Variants in CACNA1E observed in about 807,000 individuals in gnomAD.
CACNA1E encodes the protein calcium voltage-gated channel subunit alpha1 E, also known as voltage-dependent R-type calcium channel subunit alpha-1E.
In CACNA1E, 40 loss-of-function variants were observed where a neutral mutation model predicts 259.2. The ratio of observed to expected loss-of-function variants is 0.15; its 90% CI spans 0.12 to 0.20. The LOEUF is 0.20. CACNA1E is among the 10% of genes least tolerant of loss of function. CACNA1E has a pLI of 1.00. For missense variants in CACNA1E, 1,874 were observed against 3,040.1 expected, an observed-to-expected ratio of 0.62 and a Z score of 9.02; for synonymous variants, 1,104 against 1,138.5, an observed-to-expected ratio of 0.97 and a Z score of 0.61.
intron 2 of CACNA1E, among the ~76,000 whole-genome samples, chr1:181,462,055 T>C (rs1444676448): frequency 1.3e-5 from 2 of 152,208 alleles, no homozygotes; most frequent in Non-Finnish European, 1.5e-5. Context: ...TTATGAACAG[T>C]GTACTGTGTC....
At chr1:181,475,539 G>T (rs1018392227) in intron 2 of CACNA1E, among the ~76,000 whole-genome samples, 6 of 152,130 alleles carry the variant, frequency 3.9e-5, no homozygotes, top group Admixed American at 6.5e-5. Context: ...TGAAGCAGGC[G>T]CTGTGAGCAG....
intron 42 of CACNA1E, 27 bp downstream of exon 42, chr1:181,785,445 T>G: frequency 1.3e-6 from 2 of 1,484,340 alleles, no homozygotes; most frequent in South Asian, 2.3e-5. Flanking sequence ...GCATGCTAAG[T>G]GGGTGGGCCA....
intron 8 of CACNA1E, among the ~76,000 whole-genome samples, chr1:181,714,859 C>T (rs1007602879): frequency 6.6e-6 from 1 of 152,184 alleles, no homozygotes; most frequent in Non-Finnish European, 1.5e-5. Flanking sequence ...TCTGACTCCT[C>T]CTCAGAGACA....
At chr1:181,599,981 AAAAT>A (rs1338962739) in intron 6 of CACNA1E, among the ~76,000 whole-genome samples, 1 of 152,228 alleles carries the variant, frequency 6.6e-6, no homozygotes, top group African/African-American at 2.4e-5. Flanking sequence ...AACAATTTAA[AAAAT>A]AAGTGTATAC....
chr1:181,399,045 TC>T (rs1656894338), intron 1 of CACNA1E, among the ~76,000 whole-genome samples: 1 of 152,136 alleles, frequency 6.6e-6, no homozygotes. Context: ...TGAACCTGGG[TC>T]CTTCAGTGAG....
At position 181,590,410 on chromosome 1, in the gene CACNA1E, A is replaced by AT. The variant is rs1489019194; in HGVS notation, c.951+9634_951+9635insT. On this transcript the variant is annotated intron_variant, in intron 6 of 47. Coordinates refer to ENST00000367573, the MANE Select transcript of CACNA1E (RefSeq NM_001205293.3). The stretch of plus-strand genomic sequence containing the variant: ...GTAGTGGAGTCAATTACAAAAAAAA[A>AT]AAAAAAATATATATATATATATATA... Among the ~76,000 whole-genome samples the AT allele has an allele frequency of 8.0e-4, 95 of 119,172 alleles. No individual in the cohort carries two copies. The Middle Eastern group carries it at 0.015, about 19-fold the overall frequency. 78.2% of individuals were successfully genotyped at this position (119,172 alleles called of 152,430 possible).
intron 3 of CACNA1E, among the ~76,000 whole-genome samples, chr1:181,540,156 C>T (rs1168704705): frequency 3.9e-5 from 6 of 152,112 alleles, no homozygotes; most frequent in East Asian, 1.9e-4. Flanking sequence ...CCGATGTAAA[C>T]GCATTTCCTA....
chr1:181,601,058 T>C (rs992606387), intron 6 of CACNA1E, among the ~76,000 whole-genome samples: 5 of 152,122 alleles, frequency 3.3e-5, no homozygotes, highest in Non-Finnish European at 7.4e-5. Flanking sequence ...TTGCTCCTTT[T>C]AGGAAGTTAT....
intron 6 of CACNA1E, among the ~76,000 whole-genome samples, chr1:181,627,304 G>A (rs199940): frequency 0.77 from 116,651 of 152,166 alleles, 45,721 homozygotes; most frequent in East Asian, 0.94. Context: ...TTCACAGAAG[G>A]GAAAGCTATT....
At position 181,360,362 on chromosome 1, in the gene CACNA1E, G is replaced by A. The variant is rs548395865; in HGVS notation, c.-15+42239G>A. ...GAAAACAACACAATGCCCATTAGCT[G>A]ATGAATGGATAAACAAAATGTGTCA... On this transcript the variant is annotated intron_variant, in intron 1 of 11. Coordinates refer to the CACNA1E transcript ENST00000524607. Among the ~76,000 whole-genome samples, 5 of 152,286 alleles carry A rather than the reference G, an allele frequency of 3.3e-5. No individual in the cohort carries two copies. In the East Asian group the frequency reaches 9.6e-4, roughly 29 times the overall value.
Position 181,442,795 on chromosome 1 carries a change from G to C in CACNA1E, c.434+29215G>C, listed in dbSNP as rs571638743. 6.6e-5 allele frequency among the ~76,000 whole-genome samples: 10 copies of C among 152,266 alleles called. No homozygotes were observed. The South Asian group carries it at 2.1e-3, about 32-fold the overall frequency. On this transcript the variant is annotated intron_variant, in intron 2 of 11. Coordinates refer to the CACNA1E transcript ENST00000524607. ...TTCCATTCCCCAGAAGACAGTGATT[G>C]GTGGGTCAATGGGCTCCATAGGTGA...
At chr1:181,594,595 G>A (rs1235249482) in intron 6 of CACNA1E, among the ~76,000 whole-genome samples, 3 of 152,068 alleles carry the variant, frequency 2.0e-5, no homozygotes, top group Admixed American at 1.3e-4. Context: ...ACGGGGTTTC[G>A]CCATGTTGGC....
At chr1:181,367,529 GA>G (rs1654368703) in intron 1 of CACNA1E, among the ~76,000 whole-genome samples, 1 of 148,194 alleles carries the variant, frequency 6.7e-6, no homozygotes, top group South Asian at 2.1e-4. Flanking sequence ...AACTTGATTT[GA>G]ATTAATAATC....
At chr1:181,726,963 C>T (rs960644376) in intron 18 of CACNA1E, among the ~76,000 whole-genome samples, 3 of 152,094 alleles carry the variant, frequency 2.0e-5, no homozygotes, top group South Asian at 4.1e-4. Context: ...AAACAAAAAT[C>T]GATCCCAGGT....
chr1:181,512,555 T>A (rs929811524), intron 3 of CACNA1E, among the ~76,000 whole-genome samples: 2 of 152,168 alleles, frequency 1.3e-5, no homozygotes, highest in Admixed American at 1.3e-4. Flanking sequence ...GTAGATAAAG[T>A]CTTAGAAGGA....
chr1:181,554,019 G>GT (rs930036045), intron 3 of CACNA1E, among the ~76,000 whole-genome samples: 2 of 152,054 alleles, frequency 1.3e-5, no homozygotes, highest in African/African-American at 2.4e-5. Context: ...TGAATTTAGT[G>GT]TTTTTTGTTG....
Position 181,783,705 on chromosome 1 carries a change from A to G in CACNA1E, c.5391A>G (p.Val1797=), listed in dbSNP as rs1027645430. Residue 1797 remains valine (V), a synonymous_variant, in exon 40 of 48, where the codon GTA becomes GTG. Transcript: ENST00000367573. ...YKRLVLMNMP[V]AEDMTVHFTS... ...GGTTGGTCCTGATGAACATGCCAGT[A>G]GCTGAGGACATGACGGTCCACTTCA... 3.1e-6 allele frequency: 5 copies of G among 1,609,164 alleles called. No homozygotes were observed. The African/African-American group carries it at 6.8e-5, about 22-fold the overall frequency.
chr1:181,381,489 G>A (rs75065567), intron 1 of CACNA1E, among the ~76,000 whole-genome samples: 1,942 of 152,302 alleles, frequency 0.013, 19 homozygotes, highest in Middle Eastern at 0.02. Flanking sequence ...CAATGATTGC[G>A]TGGAGAAGAT....
At chr1:181,669,967 C>T (rs1488441865) in intron 7 of CACNA1E, among the ~76,000 whole-genome samples, 2 of 152,178 alleles carry the variant, frequency 1.3e-5, no homozygotes, top group Admixed American at 6.5e-5. Flanking sequence ...GAATGGTTTT[C>T]CCTCTCCCCA....
Sources: gnomAD v4.1 joint callset for allele counts (sites outside exome capture counted in the v4.1 genomes callset) on GRCh38, gnomAD v4.1.1 for gene constraint, MANE v1.5 for transcripts, NCBI Gene and HGNC (gene_info 2026-07-23, HGNC 2026-07-21) for gene names.